PCDHGA7: variants seen among roughly 807,000 people sequenced by gnomAD.
PCDHGA7 encodes the protein protocadherin gamma subfamily A, 7.
A neutral mutation model predicts 58.3 loss-of-function variants in PCDHGA7; 44 were observed. The ratio of observed to expected loss-of-function variants is 0.75; its 90% CI spans 0.59 to 0.97. PCDHGA7 has a LOEUF of 0.97. PCDHGA7 is among the 50% of genes least tolerant of loss of function. PCDHGA7 has a pLI of 0.00. For missense variants in PCDHGA7, 1,266 were observed against 1,188.7 expected (o/e 1.06, Z -0.96); for synonymous variants, 516 against 504.2 (o/e 1.02, Z -0.31).
chr5:141,428,594 G>A (rs1317075888), intron 1 of PCDHGA7: 4 of 227,916 alleles, frequency 1.8e-5, no homozygotes, highest in African/African-American at 9.1e-5. Context: ...CTGGTAGCAA[G>A]CTTCACTGAA....
chr5:141,438,627 T>TATAC (rs2098031123), intron 1 of PCDHGA7, among the ~76,000 whole-genome samples: 4 of 48,012 alleles, frequency 8.3e-5, no homozygotes, highest in Admixed American at 6.2e-4. Flanking sequence ...TATATATATA[T>TATAC]ATATATATAC....
At chr5:141,410,337 C>T (rs1196366344) in intron 1 of PCDHGA7, 1 of 1,613,930 alleles carries the variant, frequency 6.2e-7, no homozygotes, top group Non-Finnish European at 8.5e-7. Context: ...CTGGCCATTG[C>T]CTTGCGCCTG....
At chr5:141,409,919 G>T (rs774277848) in intron 1 of PCDHGA7, 1 of 1,613,346 alleles carries the variant, frequency 6.2e-7, no homozygotes, top group Non-Finnish European at 8.5e-7. Context: ...TGACGGCTCC[G>T]CGTTCTTCGA....
At chr5:141,484,908 G>T in intron 1 of PCDHGA7, 1 of 415,428 alleles carries the variant, frequency 2.4e-6, no homozygotes, top group East Asian at 4.2e-5. Context: ...ATGCTGCGAC[G>T]CATTAACCCT....
rs2099641960 is a variant in PCDHGA7 at position 141,487,259 on chromosome 5, T to C, written c.2425-7548T>C. On this transcript the variant is annotated intron_variant, in intron 1 of 3. Coordinates refer to ENST00000518325, the MANE Select transcript of PCDHGA7 (RefSeq NM_018920.4). This position sits in a 1 kb window ranked among gnomAD's most constrained non-coding sequence, Gnocchi z 5.0. ...TCGTCTAACCCTCTACTTGGCTGTG[T>C]CCCTAGTGGCAATTTGCTTTGTCTC... 6.2e-7 allele frequency: 1 copy of C among 1,614,132 alleles called. No homozygotes were observed. Among genetic ancestry groups the C allele is most frequent in the Non-Finnish European group, 8.5e-7 (1 of 1,180,012 alleles).
At chr5:141,423,008 C>A in intron 1 of PCDHGA7, 13 of 1,614,214 alleles carry the variant, frequency 8.1e-6, no homozygotes, top group Non-Finnish European at 1.1e-5. Flanking sequence ...AAGGTGGTTG[C>A]GGTGGACAAA....
At chr5:141,422,488 A>G in intron 1 of PCDHGA7, 1 of 1,614,000 alleles carries the variant, frequency 6.2e-7, no homozygotes, top group Non-Finnish European at 8.5e-7. Context: ...GAGCTACAAT[A>G]TAACGTTGAC....
intron 1 of PCDHGA7, chr5:141,414,532 C>T (rs747661760): frequency 1.9e-6 from 3 of 1,613,930 alleles, no homozygotes; most frequent in Admixed American, 3.3e-5. Flanking sequence ...CAATGACAAC[C>T]CACCTACCTT....
chr5:141,404,995 T>G (rs1561697585), intron 1 of PCDHGA7: 1 of 1,614,008 alleles, frequency 6.2e-7, no homozygotes, highest in Non-Finnish European at 8.5e-7. Flanking sequence ...TTCAGATCCC[T>G]GCAGACCTGG....
rs1488305057 is a variant in PCDHGA7, at chr5:141,477,736, C to G, written c.2425-17071C>G. 6.2e-7 allele frequency: 1 copy of G among 1,613,790 alleles called. No homozygotes were observed. The highest frequency in any genetic ancestry group is 1.1e-5 in the South Asian group (1 of 91,088). On this transcript the variant is annotated intron_variant, in intron 1 of 3. Coordinates refer to ENST00000518325, the MANE Select transcript of PCDHGA7 (RefSeq NM_018920.4). This position sits in a 1 kb window ranked among gnomAD's most constrained non-coding sequence, Gnocchi z 4.9. ...AATTTGAATTAACAGCTCATATCAG[C>G]GATGGGGGCACCCCGGTCCTAGCCA...
intron 1 of PCDHGA7, among the ~76,000 whole-genome samples, chr5:141,466,443 C>T (rs906096545): frequency 6.6e-6 from 1 of 152,186 alleles, no homozygotes; most frequent in African/African-American, 2.4e-5. Context: ...ACCGAGATGT[C>T]TATGGTGTTG....
chr5:141,509,143 C>G (rs1022878562), intron 3 of PCDHGA7, among the ~76,000 whole-genome samples: 1 of 152,256 alleles, frequency 6.6e-6, no homozygotes, highest in African/African-American at 2.4e-5. Context: ...AGGCGCATCC[C>G]GGCTCTCCCC....
chr5:141,431,725 G>A lies in PCDHGA7; in HGVS notation c.2424+46402G>A. The A allele has an allele frequency of 6.2e-7, 1 of 1,614,230 alleles. No individual in the cohort carries two copies. Among genetic ancestry groups the A allele is most frequent in the Non-Finnish European group, 8.5e-7 (1 of 1,180,044 alleles). On this transcript the variant is annotated intron_variant, in intron 1 of 3. Coordinates refer to ENST00000518325, the MANE Select transcript of PCDHGA7 (RefSeq NM_018920.4). The surrounding 1 kb of genome is among the most constrained non-coding windows in gnomAD (Gnocchi z 4.8). Reference sequence around the variant, plus strand: ...TCTACCAGATGGAAGTGCAAGCAATGGATAATGCAGGATATTCTGCGCGAG... The same window carrying A: ...TCTACCAGATGGAAGTGCAAGCAATAGATAATGCAGGATATTCTGCGCGAG...
chr5:141,474,703 C>A (rs2099353282), intron 1 of PCDHGA7, among the ~76,000 whole-genome samples: 1 of 152,188 alleles, frequency 6.6e-6, no homozygotes, highest in African/African-American at 2.4e-5. Flanking sequence ...GTTCAAGGTT[C>A]TATTATACTT....
intron 1 of PCDHGA7, chr5:141,414,130 T>C (rs761622500): frequency 6.3e-7 from 1 of 1,594,602 alleles, no homozygotes; most frequent in South Asian, 1.1e-5. Context: ...AACCGGTTTC[T>C]ATGAAATAGA....
chr5:141,511,485 C>T lies in PCDHGA7; in HGVS notation c.*312C>T, dbSNP rs1324849800. 1.8e-5 allele frequency: 8 copies of T among 453,300 alleles called. No individual in the cohort carries two copies. The highest frequency in any genetic ancestry group is 1.2e-4 in the African/African-American group (6 of 50,332). The allele number at this position is 453,300 out of a possible 1,614,324, so 28.1% of individuals were successfully genotyped here. A position where few individuals can be genotyped will look rare whatever the true frequency, so the allele number is the denominator to read the frequency against. On this transcript the variant is annotated 3_prime_UTR_variant, in exon 4 of 4. Coordinates refer to ENST00000518325, the MANE Select transcript of PCDHGA7 (RefSeq NM_018920.4). Reference sequence around the variant, plus strand: ...ACCCCGTTTAGTTACAGCTGAACTCCTCCATCTTCCAAATCAATCAGGCCC... The same window carrying T: ...ACCCCGTTTAGTTACAGCTGAACTCTTCCATCTTCCAAATCAATCAGGCCC...
At chr5:141,423,841 T>A (rs1413277726) in intron 1 of PCDHGA7, 15 of 1,282,014 alleles carry the variant, frequency 1.2e-5, no homozygotes, top group Non-Finnish European at 1.4e-5. Context: ...ATTACGATAA[T>A]CTTTCAGAAC....
intron 1 of PCDHGA7, chr5:141,427,590 C>G (rs768990626): frequency 5.9e-6 from 4 of 678,892 alleles, no homozygotes; most frequent in Non-Finnish European, 1.1e-5. Flanking sequence ...CAGCACAAGC[C>G]TCACCCTACG....
rs769461165 is a variant in PCDHGA7, at chr5:141,491,293, C to G, written c.2425-3514C>G. 2 of 1,614,048 alleles carry G rather than the reference C, an allele frequency of 1.2e-6. No individual in the cohort carries two copies. Among genetic ancestry groups the G allele is most frequent in the Admixed American group, 3.3e-5 (2 of 60,008 alleles). ...ATCCAGTGACTTCCTCATACACCCT[C>G]CTGAGCGTTCAGACCTTACCCTTTA... On this transcript the variant is annotated intron_variant, in intron 1 of 3. Coordinates refer to ENST00000518325, the MANE Select transcript of PCDHGA7 (RefSeq NM_018920.4). This position sits in a 1 kb window ranked among gnomAD's most constrained non-coding sequence, Gnocchi z 6.9.
Sources: gnomAD v4.1 joint callset for allele counts (sites outside exome capture counted in the v4.1 genomes callset) on GRCh38, gnomAD v4.1.1 for gene constraint, Gnocchi (gnomAD v3.1) non-coding constraint, MANE v1.5 for transcripts, NCBI Gene and HGNC (gene_info 2026-07-23, HGNC 2026-07-21) for gene names.